Variants in CGN observed in about 807,000 individuals in gnomAD.
The protein encoded by CGN is cingulin.
In CGN, 121 loss-of-function variants were observed where a neutral mutation model predicts 157.1. The ratio of observed to expected loss-of-function variants is 0.77; its 90% CI spans 0.66 to 0.90. CGN has a LOEUF of 0.90. Ranked by LOEUF, CGN falls within the 40% of genes least tolerant of loss-of-function variation. The probability of loss-of-function intolerance (pLI) is 0.00; values close to 1 mark genes in which losing one functional copy is unlikely to be tolerated. For synonymous variants in CGN, 535 were observed against 607.5 expected (o/e 0.88, Z 1.76); for missense variants, 1,424 against 1,520.9 (o/e 0.94, Z 1.06).
In CGN at chr1:151,526,992, T is replaced by C. The variant is rs142926464; in HGVS notation, c.1781T>C (p.Met594Thr). 2.6e-4 allele frequency: 423 copies of C among 1,614,044 alleles called. 5 individuals carry two copies. The African/African-American group carries it at 5.2e-3, about 20-fold the overall frequency. Reference protein sequence around the residue: ...ATKQELLQLRMEKEEMEEELG... With the variant: ...ATKQELLQLRTEKEEMEEELG... ...TGGCTCAGACTCCTGCAGCTGCGAA[T>C]GGAGAAGGAGGAGATGGAAGAGGAG... The change falls in exon 10 of 21, where the codon ATG becomes ACG. Residue 594 changes from methionine to threonine, a missense_variant. Met to Thr is a moderately conservative substitution (Grantham distance 81). Coordinates refer to ENST00000271636, the MANE Select transcript of CGN (RefSeq NM_020770.3).
chr1:151,512,084 G>T (rs1664314066), intron 1 of CGN, among the ~76,000 whole-genome samples: 1 of 152,136 alleles, frequency 6.6e-6, no homozygotes, highest in Non-Finnish European at 1.5e-5. Context: ...GACACTGAGG[G>T]GCAGATGAGA....
At chr1:151,528,434 T>C (rs1664750565) in intron 10 of CGN, among the ~76,000 whole-genome samples, 1 of 151,938 alleles carries the variant, frequency 6.6e-6, no homozygotes, top group Non-Finnish European at 1.5e-5. Context: ...TTTTTTCTTT[T>C]TGAGATGGAG....
chr1:151,535,986 T>A, intron 18 of CGN, 88 bp downstream of exon 18: 1 of 1,037,822 alleles, frequency 9.6e-7, no homozygotes, highest in Non-Finnish European at 1.5e-6. Flanking sequence ...CCCTCCATCT[T>A]CCACCTCAGA....
chr1:151,525,733 G>A lies in CGN; in HGVS notation c.1706G>A (p.Gly569Glu). The change falls in exon 9 of 21, where the codon GGG becomes GAG. Residue 569 changes from glycine (G) to glutamate (E), a missense_variant. Around this residue, in one of 3 missense-constraint regions of CGN, gnomAD observed 1,187 missense variants for 1,217.6 expected, o/e 0.97. Coordinates refer to ENST00000271636, the MANE Select transcript of CGN (RefSeq NM_020770.3). ...CTGGAGGAGACTTCAGAGGAGACAG[G>A]GCATTGGCAGAGTATGTTCCAGAAG... ...RELEETSEETGHWQSMFQKNK... is the reference protein window; with the variant it reads ...RELEETSEETEHWQSMFQKNK... The A allele has an allele frequency of 1.2e-6, 2 of 1,611,556 alleles. No individual in the cohort carries two copies. Among genetic ancestry groups the A allele is most frequent in the Non-Finnish European group, 1.7e-6 (2 of 1,178,756 alleles).
At position 151,536,323 on chromosome 1, in the gene CGN, A is replaced by G. The variant is rs373331986; in HGVS notation, c.3284A>G (p.His1095Arg). The G allele has an allele frequency of 1.0e-4, 161 of 1,608,820 alleles. No individual in the cohort carries two copies. The South Asian group carries it at 1.7e-3, about 17-fold the overall frequency. ...ATCCAGATTGAAGACGAGCGGCAGC[A>G]TGTCAATGACCAGAAAGACCAGGTG... ...LSIQIEDERQ[H>R]VNDQKDQLSL... Residue 1095 changes from histidine (H) to arginine (R), a missense_variant, in exon 19 of 21, where the codon CAT (histidine) becomes CGT (arginine). This residue lies in a region of CGN where 199 missense variants were observed against 272.2 expected (regional missense o/e 0.73). Coordinates refer to ENST00000271636, the MANE Select transcript of CGN (RefSeq NM_020770.3).
At position 151,535,149 on chromosome 1, in the gene CGN, T is replaced by G; in HGVS notation, c.2994+18T>G. Reference sequence around the variant, plus strand: ...GGGACCAGGTAACCGCCCCCACCCCTCATCTCTGTTTACCCCTGACTGCAT... The same window carrying G: ...GGGACCAGGTAACCGCCCCCACCCCGCATCTCTGTTTACCCCTGACTGCAT... On this transcript the variant is annotated intron_variant, in intron 16 of 20. Coordinates refer to ENST00000271636, the MANE Select transcript of CGN (RefSeq NM_020770.3). 4 of 1,285,242 alleles carry G rather than the reference T, an allele frequency of 3.1e-6. No individual in the cohort carries two copies. The highest frequency in any genetic ancestry group is 2.1e-6 in the Non-Finnish European group (2 of 938,158). 79.6% of individuals were successfully genotyped at this position (1,285,242 alleles called of 1,614,324 possible). A position where few individuals can be genotyped will look rare whatever the true frequency, so the allele number is the denominator to read the frequency against.
chr1:151,530,657 A>G lies in CGN; in HGVS notation c.2482A>G (p.Lys828Glu). ...TLNRALEEEG[K>E]QREVLRRGKA... ...GAACCGGGCCCTGGAGGAGGAAGGG[A>G]AGCAGCGGGAGGTGCTCCGGCGAGG... The change falls in exon 13 of 21, where the codon AAG becomes GAG. Residue 828 changes from lysine (K) to glutamate (E), a missense_variant. Coordinates refer to ENST00000271636, the MANE Select transcript of CGN (RefSeq NM_020770.3). The G allele has an allele frequency of 6.3e-7, 1 of 1,581,660 alleles. No homozygotes were observed. Among genetic ancestry groups the G allele is most frequent in the Non-Finnish European group, 8.6e-7 (1 of 1,163,276 alleles).
intron 5 of CGN, 65 bp from the exon 6 acceptor site, chr1:151,523,369 A>T: frequency 6.7e-7 from 1 of 1,485,328 alleles, no homozygotes; most frequent in Non-Finnish European, 9.1e-7. Flanking sequence ...CATTCCCATT[A>T]TTCTGAGTCT....
Position 151,536,308 on chromosome 1 carries a change from A to T in CGN, c.3269A>T (p.Glu1090Val), listed in dbSNP as rs143782965. ...RKVKELSIQI[E>V]DERQHVNDQK... ...GTTAAAGAACTATCCATCCAGATTG[A>T]AGACGAGCGGCAGCATGTCAATGAC... The change falls in exon 19 of 21, where the codon GAA becomes GTA. Residue 1090 changes from glutamate (E) to valine (V), a missense_variant. Physicochemically the swap from Glu to Val is moderately radical, Grantham distance 121 (BLOSUM62 -2). Transcript: ENST00000271636. 36 of 1,612,508 alleles carry T rather than the reference A, an allele frequency of 2.2e-5. No homozygotes were observed. In the African/African-American group the frequency reaches 4.4e-4, roughly 20 times the overall value.
intron 11 of CGN, 127 bp downstream of exon 11, chr1:151,529,686 T>A: frequency 1.1e-6 from 1 of 932,998 alleles, no homozygotes; most frequent in Admixed American, 2.6e-5. Flanking sequence ...CCTAGGCATG[T>A]GGTTCAAAGA....
At chr1:151,519,714 G>A (rs1011477682) in intron 2 of CGN, among the ~76,000 whole-genome samples, 2 of 152,160 alleles carry the variant, frequency 1.3e-5, no homozygotes, top group African/African-American at 4.8e-5. Flanking sequence ...AGGCGGGCTT[G>A]GAGGATAAGA....
intron 14 of CGN, 25 bp from the exon 15 acceptor site, chr1:151,533,950 T>C (rs763794386): frequency 1.9e-6 from 3 of 1,593,726 alleles, no homozygotes; most frequent in Non-Finnish European, 2.6e-6. Context: ...TACACTGAGC[T>C]GTGGCATTTT....
intron 5 of CGN, 47 bp from the exon 6 acceptor site, chr1:151,523,387 A>G (rs765465502): frequency 6.5e-7 from 1 of 1,548,650 alleles, no homozygotes; most frequent in Non-Finnish European, 8.7e-7. Flanking sequence ...TCTTTCTGAG[A>G]GGCTTTCCCT....
Position 151,529,463 on chromosome 1 carries a change from G to T in CGN, c.2010G>T (p.Arg670Ser). 1 of 1,613,874 alleles carries T rather than the reference G, an allele frequency of 6.2e-7. No homozygotes were observed. Among genetic ancestry groups the T allele is most frequent in the Non-Finnish European group, 8.5e-7 (1 of 1,179,984 alleles). Residue 670 changes from arginine (R) to serine (S), a missense_variant, in exon 11 of 21, where the codon AGG becomes AGT. Physicochemically the swap from Arg to Ser is moderately radical, Grantham distance 110 (BLOSUM62 -1). This residue lies in a region of CGN where 1,187 missense variants were observed against 1,217.6 expected (regional missense o/e 0.97). Coordinates refer to ENST00000271636, the MANE Select transcript of CGN (RefSeq NM_020770.3). ...TGGAGAAGCAGCTGGCGGTCCTGAG[G>T]GTCGAGGCTGATCGAGGTCGGGAGC... Reference protein sequence around the residue: ...RELEKQLAVLRVEADRGRELE... With the variant: ...RELEKQLAVLSVEADRGRELE...
chr1:151,516,363 A>G (rs894699468), intron 1 of CGN, among the ~76,000 whole-genome samples: 2 of 151,800 alleles, frequency 1.3e-5, no homozygotes, highest in Non-Finnish European at 2.9e-5. Context: ...GAATTTTTTT[A>G]TTTGCTTGGA....
At chr1:151,528,794 G>GC (rs1156631019) in intron 10 of CGN, among the ~76,000 whole-genome samples, 1 of 151,742 alleles carries the variant, frequency 6.6e-6, no homozygotes, top group Non-Finnish European at 1.5e-5. Context: ...CCTCAAAGGC[G>GC]CCAAACCCAT....
chr1:151,530,708 C>T lies in CGN; in HGVS notation c.2533C>T (p.Arg845Cys), dbSNP rs1368824531. Residue 845 changes from arginine to cysteine, a missense_variant, in exon 13 of 21, where the codon CGT becomes TGT. Arg to Cys is a radical substitution (Grantham distance 180). Transcript: ENST00000271636. Reference protein sequence around the residue: ...RGKAELEEQKRLLDRTVDRLN... With the variant: ...RGKAELEEQKCLLDRTVDRLN... ...CAAGGCTGAGCTGGAGGAGCAGAAG[C>T]GTTTGCTGGACAGGACTGTGGACCG... is the stretch of plus-strand genomic sequence containing the variant. 4.5e-6 allele frequency: 7 copies of T among 1,554,280 alleles called. No individual in the cohort carries two copies. In the East Asian group the frequency reaches 1.2e-4, roughly 27 times the overall value.
At chr1:151,523,586 CG>C in intron 6 of CGN, 25 bp downstream of exon 6, 1 of 1,578,596 alleles carries the variant, frequency 6.3e-7, no homozygotes, top group South Asian at 1.2e-5. Flanking sequence ...TGGCGCACCT[CG>C]GGCTGCTTGG....
At chr1:151,532,007 G>A (rs72997958) in intron 13 of CGN, among the ~76,000 whole-genome samples, 80 of 152,242 alleles carry the variant, frequency 5.3e-4, no homozygotes, top group African/African-American at 1.8e-3. Flanking sequence ...GTGGTACGCC[G>A]TATAATCATT....
Sources: gnomAD v4.1 joint callset for allele counts (sites outside exome capture counted in the v4.1 genomes callset) on GRCh38, gnomAD v4.1.1 for gene constraint, gnomAD v4.1.1 regional missense constraint, MANE v1.5 for transcripts, NCBI Gene and HGNC (gene_info 2026-07-23, HGNC 2026-07-21) for gene names.